XPO1: variants seen among roughly 807,000 people sequenced by gnomAD.
XPO1 encodes the protein exportin 1.
XPO1 carries 5 observed loss-of-function variants against 133.3 expected under a neutral mutation model. The ratio of observed to expected loss-of-function variants is 0.04; its 90% CI spans 0.02 to 0.08. XPO1 has a LOEUF of 0.08. Ranked by LOEUF, XPO1 falls within the 10% of genes least tolerant of loss-of-function variation. The probability of loss-of-function intolerance (pLI) is 1.00; values close to 1 mark genes in which losing one functional copy is unlikely to be tolerated. For synonymous variants in XPO1, 419 were observed against 408.2 expected, an observed-to-expected ratio of 1.03 and a Z score of -0.32; for missense variants, 506 against 1,267.5, an observed-to-expected ratio of 0.40 and a Z score of 9.12.
chr2:61,521,524 T>A (rs960745020), intron 4 of XPO1, among the ~76,000 whole-genome samples: 3 of 152,176 alleles, frequency 2.0e-5, no homozygotes, highest in Admixed American at 2.0e-4. Context: ...AAGAAACTAA[T>A]GTTGCCTCAG....
At chr2:61,514,121 A>T (rs2104650550) in intron 4 of XPO1, among the ~76,000 whole-genome samples, 1 of 151,442 alleles carries the variant, frequency 6.6e-6, no homozygotes, top group South Asian at 2.1e-4. Context: ...CAGGAGGCAG[A>T]GGTTGCAGTG....
At chr2:61,508,202 G>A (rs897170266) in intron 4 of XPO1, among the ~76,000 whole-genome samples, 4 of 152,062 alleles carry the variant, frequency 2.6e-5, no homozygotes, top group East Asian at 3.9e-4. Flanking sequence ...TCTCTACTGC[G>A]GGAGGCTCCA....
intron 2 of XPO1, among the ~76,000 whole-genome samples, chr2:61,532,930 C>T (rs573771945): frequency 2.0e-5 from 3 of 152,216 alleles, no homozygotes; most frequent in East Asian, 3.9e-4. Flanking sequence ...GTAATCCCAG[C>T]ACTTTGGGAG....
intron 3 of XPO1, 140 bp downstream of exon 3, chr2:61,526,280 T>C: frequency 6.8e-7 from 1 of 1,462,488 alleles, no homozygotes; most frequent in Non-Finnish European, 8.9e-7. Flanking sequence ...AATTATATGC[T>C]TAAGACTAAA....
chr2:61,509,313 G>C (rs532381805), intron 4 of XPO1, among the ~76,000 whole-genome samples: 3 of 152,024 alleles, frequency 2.0e-5, no homozygotes, highest in South Asian at 4.2e-4. Context: ...CCCCAAATCT[G>C]CAAGTTTTAA....
rs577413171 is a variant in XPO1, at chr2:61,508,231, AAAC to A, written c.302-5924_302-5922del. ...GGCTCCATCTCAAAAAAATAAAAATAAACAACAAAGTCGGTGGGTCAAATGCTC... is the reference window on the plus strand; with the variant it reads ...GGCTCCATCTCAAAAAAATAAAAATAAACAAAGTCGGTGGGTCAAATGCTC... On this transcript the variant is annotated intron_variant, in intron 4 of 24. Coordinates refer to ENST00000401558, the MANE Select transcript of XPO1 (RefSeq NM_003400.4). Among the ~76,000 whole-genome samples the A allele has an allele frequency of 3.9e-5, 6 of 152,270 alleles. No individual in the cohort carries two copies. In the South Asian group the frequency reaches 1.2e-3, roughly 32 times the overall value.
chr2:61,509,455 T>C (rs1427985407), intron 4 of XPO1, among the ~76,000 whole-genome samples: 2 of 152,064 alleles, frequency 1.3e-5, no homozygotes, highest in South Asian at 2.1e-4. Context: ...GAAGAAACCC[T>C]GTCTCTACTA....
intron 4 of XPO1, among the ~76,000 whole-genome samples, chr2:61,511,567 A>G (rs1478540744): frequency 6.6e-6 from 1 of 152,118 alleles, no homozygotes; most frequent in Non-Finnish European, 1.5e-5. Flanking sequence ...GCACTCGACC[A>G]TACACTGCTA....
intron 4 of XPO1, among the ~76,000 whole-genome samples, chr2:61,504,562 T>C (rs1004650182): frequency 6.6e-6 from 1 of 152,222 alleles, no homozygotes; most frequent in African/African-American, 2.4e-5. Context: ...GTTCAGATTT[T>C]TGGAAAAGCA....
chr2:61,522,215 C>T (rs1430503346), intron 4 of XPO1, among the ~76,000 whole-genome samples: 1 of 152,126 alleles, frequency 6.6e-6, no homozygotes, highest in Non-Finnish European at 1.5e-5. Context: ...AACCACCATA[C>T]CCAGCTAATT....
chr2:61,529,777 C>G (rs1376997044), intron 2 of XPO1, among the ~76,000 whole-genome samples: 1 of 152,132 alleles, frequency 6.6e-6, no homozygotes, highest in Non-Finnish European at 1.5e-5. Context: ...ATGACTATCC[C>G]ATACATCAAT....
intron 4 of XPO1, among the ~76,000 whole-genome samples, chr2:61,509,168 A>AC (rs1454520225): frequency 2.8e-5 from 4 of 140,596 alleles, no homozygotes; most frequent in African/African-American, 7.8e-5. Context: ...CGCCCAGCTG[A>AC]TTTTTTTTTT....
chr2:61,535,618 G>C (rs1184683470), intron 1 of XPO1, among the ~76,000 whole-genome samples: 2 of 152,142 alleles, frequency 1.3e-5, no homozygotes, highest in African/African-American at 4.8e-5. Context: ...TGTTACAACA[G>C]ATTAGAACTC....
intron 4 of XPO1, among the ~76,000 whole-genome samples, chr2:61,514,607 A>G (rs1386405817): frequency 1.3e-5 from 2 of 151,588 alleles, no homozygotes; most frequent in South Asian, 2.1e-4. Context: ...AAAAAAAAAA[A>G]AAAAGAAAGA....
intron 21 of XPO1, 76 bp from the exon 22 acceptor site, chr2:61,483,167 GTATT>G: frequency 6.7e-7 from 1 of 1,488,664 alleles, no homozygotes; most frequent in Non-Finnish European, 9.0e-7. Flanking sequence ...TCTTATCAAA[GTATT>G]CTGAATCTAA....
chr2:61,499,925 T>G, intron 6 of XPO1, 31 bp from the exon 7 acceptor site: 1 of 1,588,088 alleles, frequency 6.3e-7, no homozygotes, highest in Non-Finnish European at 8.5e-7. Flanking sequence ...TTAATCGCAC[T>G]TCATTTCTCA....
intron 21 of XPO1, 102 bp from the exon 22 acceptor site, chr2:61,483,193 C>A (rs1332111877): frequency 1.2e-5 from 16 of 1,332,736 alleles, no homozygotes; most frequent in Non-Finnish European, 1.6e-5. Flanking sequence ...CCTGTTCTCC[C>A]TTTTTTTTGG....
At chr2:61,534,087 G>A (rs893921321) in intron 1 of XPO1, 184 bp from the exon 2 acceptor site, 14 of 524,562 alleles carry the variant, frequency 2.7e-5, no homozygotes, top group Non-Finnish European at 3.0e-5. Context: ...TTAGCTATTT[G>A]ATAATTACAT....
At chr2:61,488,000 C>T (rs1279065463) in intron 19 of XPO1, among the ~76,000 whole-genome samples, 165 bp downstream of exon 19, 1 of 151,798 alleles carries the variant, frequency 6.6e-6, no homozygotes, top group Non-Finnish European at 1.5e-5. Context: ...AGATGGAATA[C>T]AGCTATTAGT....
Sources: gnomAD v4.1 joint callset for allele counts (sites outside exome capture counted in the v4.1 genomes callset) on GRCh38, gnomAD v4.1.1 for gene constraint, MANE v1.5 for transcripts, NCBI Gene and HGNC (gene_info 2026-07-23, HGNC 2026-07-21) for gene names.